The following ST3GAL1 variants were observed in gnomAD, a reference collection of about 807,000 sequenced individuals.
ST3GAL1 encodes the protein CMP-N-acetylneuraminate-beta-galactosamide-alpha-2,3-sialyltransferase 1.
A neutral mutation model predicts 34.1 loss-of-function variants in ST3GAL1; 16 were observed. That is an observed-to-expected ratio of 0.47 (90% CI 0.32 to 0.71). ST3GAL1 has a LOEUF of 0.71. Ranked by LOEUF, ST3GAL1 falls within the 30% of genes least tolerant of loss-of-function variation. The pLI, the probability that ST3GAL1 is intolerant of heterozygous loss-of-function variation, is 0.04. For synonymous variants in ST3GAL1, 191 were observed against 184.7 expected (o/e 1.03, Z -0.28); for missense variants, 353 against 447.4 (o/e 0.79, Z 1.90).
chr8:133,551,532 GAAAGAGAAGGAAAGAAAGAAA>G (rs1818842462), intron 1 of ST3GAL1, among the ~76,000 whole-genome samples: 1 of 132,578 alleles, frequency 7.5e-6, no homozygotes. Flanking sequence ...GAAAGAGAAA[GAAAGAGAAGGAAAGAAAGAAA>G]GAAAGAAAGA....
Position 133,521,075 on chromosome 8 carries a change from C to G in ST3GAL1, c.-428-21886G>C, listed in dbSNP as rs571386739. 2.2e-5 allele frequency among the ~76,000 whole-genome samples: 3 copies of G among 137,478 alleles called. No individual in the cohort carries two copies. The East Asian group carries it at 6.5e-4, about 30-fold the overall frequency. The allele number at this position is 137,478 out of a possible 152,430, so 90.2% of individuals were successfully genotyped here. On this transcript the variant is annotated intron_variant, in intron 2 of 9. Transcript: ENST00000522652. ...TCAAGCAATTTTCCTGCCTCAGCCT[C>G]CCAAGTAGCTGGGATTACAGGTGTG...
At chr8:133,495,450 CAATTTCGCACTT>C (rs1383863907) in intron 3 of ST3GAL1, among the ~76,000 whole-genome samples, 2 of 152,198 alleles carry the variant, frequency 1.3e-5, no homozygotes, top group African/African-American at 2.4e-5. Context: ...GCAATTTACC[CAATTTCGCACTT>C]AATTTCGCAC....
chr8:133,534,652 C>A (rs1483222145), intron 2 of ST3GAL1, among the ~76,000 whole-genome samples: 1 of 152,202 alleles, frequency 6.6e-6, no homozygotes, highest in Non-Finnish European at 1.5e-5. Flanking sequence ...CGCCCATTTC[C>A]AGTTCTCCAA....
chr8:133,513,621 C>T (rs1231906363), intron 2 of ST3GAL1, among the ~76,000 whole-genome samples: 2 of 152,066 alleles, frequency 1.3e-5, no homozygotes, highest in Non-Finnish European at 2.9e-5. Flanking sequence ...TTTGGCTGGG[C>T]GTAATGGCTC....
rs79542617 is a variant in ST3GAL1 at position 133,535,415 on chromosome 8, A to G, written c.-429+10359T>C. 2.5e-3 allele frequency among the ~76,000 whole-genome samples: 382 copies of G among 151,910 alleles called. 1 individual carries two copies. The highest frequency in any genetic ancestry group is 8.9e-3 in the African/African-American group (366 of 41,254). On this transcript the variant is annotated intron_variant, in intron 2 of 9. Transcript: ENST00000522652. ...GGTGCTGCATTATTTTTTTGTTGTTATTGTCTTTACTAATCGTGGCAACCT... is the reference window on the plus strand; with the variant it reads ...GGTGCTGCATTATTTTTTTGTTGTTGTTGTCTTTACTAATCGTGGCAACCT...
chr8:133,529,062 G>A (rs1370834576), intron 2 of ST3GAL1, among the ~76,000 whole-genome samples: 2 of 152,256 alleles, frequency 1.3e-5, no homozygotes, highest in Non-Finnish European at 2.9e-5. Flanking sequence ...GTGGGACAAA[G>A]CGAACCAGTG....
chr8:133,497,855 T>C (rs746696153), intron 3 of ST3GAL1, among the ~76,000 whole-genome samples: 3 of 151,990 alleles, frequency 2.0e-5, no homozygotes, highest in African/African-American at 7.3e-5. Context: ...ATACTAGAGG[T>C]GAGCAGCCAC....
intron 2 of ST3GAL1, among the ~76,000 whole-genome samples, chr8:133,528,442 C>G (rs981036168): frequency 2.0e-5 from 3 of 152,232 alleles, no homozygotes; most frequent in African/African-American, 4.8e-5. Context: ...GCAGGACAGT[C>G]TGTGCCCTGG....
At chr8:133,525,703 G>T (rs1002841621) in intron 2 of ST3GAL1, among the ~76,000 whole-genome samples, 2 of 152,130 alleles carry the variant, frequency 1.3e-5, no homozygotes, top group Admixed American at 6.5e-5. Context: ...GTCTGGAGGG[G>T]GCCAAGATGA....
chr8:133,477,131 C>G (rs368371981), intron 3 of ST3GAL1, among the ~76,000 whole-genome samples: 3 of 152,168 alleles, frequency 2.0e-5, no homozygotes, highest in South Asian at 4.1e-4. Context: ...AGCTGTGGAG[C>G]CTTGGGAAAG....
intron 2 of ST3GAL1, among the ~76,000 whole-genome samples, chr8:133,504,216 C>T (rs2130999997): frequency 6.6e-6 from 1 of 152,314 alleles, no homozygotes; most frequent in East Asian, 1.9e-4. Flanking sequence ...TCCCCAAGGT[C>T]ATGGAGCCAG....
chr8:133,488,870 G>T (rs1047110575), intron 3 of ST3GAL1, among the ~76,000 whole-genome samples: 4 of 152,030 alleles, frequency 2.6e-5, no homozygotes, highest in South Asian at 2.1e-4. Flanking sequence ...TGGCAGACAG[G>T]GGGGGCCAGG....
intron 3 of ST3GAL1, among the ~76,000 whole-genome samples, chr8:133,479,819 TG>T (rs1816315768): frequency 6.6e-6 from 1 of 152,152 alleles, no homozygotes; most frequent in African/African-American, 2.4e-5. Context: ...GCTTCTGAGC[TG>T]GTATCATTTA....
chr8:133,491,714 C>T (rs1176122438), intron 3 of ST3GAL1, among the ~76,000 whole-genome samples: 1 of 152,192 alleles, frequency 6.6e-6, no homozygotes, highest in African/African-American at 2.4e-5. Flanking sequence ...AATGGCGAGG[C>T]ATGCAGCACC....
chr8:133,484,128 C>T (rs1389292111), intron 3 of ST3GAL1, among the ~76,000 whole-genome samples: 2 of 152,156 alleles, frequency 1.3e-5, no homozygotes, highest in East Asian at 3.9e-4. Flanking sequence ...TCAGCAGCCC[C>T]ATTCACTGGG....
At chr8:133,557,253 T>C (rs1351784751) in intron 1 of ST3GAL1, among the ~76,000 whole-genome samples, 1 of 152,026 alleles carries the variant, frequency 6.6e-6, no homozygotes, top group Non-Finnish European at 1.5e-5. Context: ...CTAAAGGAAG[T>C]GAGGAGACTG....
In ST3GAL1 at chr8:133,571,743, G is replaced by A. The variant is rs1819578081; in HGVS notation, c.-632C>T. 1 of 152,574 alleles carries A rather than the reference G, an allele frequency of 6.6e-6. No homozygotes were observed. Among genetic ancestry groups the A allele is most frequent in the African/African-American group, 2.4e-5 (1 of 41,454 alleles). The allele number at this position is 152,574 out of a possible 1,614,324, so 9.5% of individuals were successfully genotyped here. On this transcript the variant is annotated 5_prime_UTR_variant, in exon 1 of 10. Transcript: ENST00000522652. This position sits in a 1 kb window ranked among gnomAD's most constrained non-coding sequence, Gnocchi z 6.7. ...CCGGGATTTGGGCATGAAGGGGTTC[G>A]GAGGAGAATACAGGGGTGTGGGTGT...
At chr8:133,479,905 G>A (rs979742212) in intron 3 of ST3GAL1, among the ~76,000 whole-genome samples, 1 of 152,216 alleles carries the variant, frequency 6.6e-6, no homozygotes, top group Non-Finnish European at 1.5e-5. Flanking sequence ...TGGCTGCAGG[G>A]AAGAAACCAG....
At chr8:133,515,440 G>T (rs1817615195) in intron 2 of ST3GAL1, 1 of 152,210 alleles carries the variant, frequency 6.6e-6, no homozygotes, top group South Asian at 2.1e-4. Context: ...GCTTGATGTT[G>T]TCCTCCGGGT....
Sources: gnomAD v4.1 joint callset for allele counts (sites outside exome capture counted in the v4.1 genomes callset) on GRCh38, gnomAD v4.1.1 for gene constraint, Gnocchi (gnomAD v3.1) non-coding constraint, MANE v1.5 for transcripts, NCBI Gene and HGNC (gene_info 2026-07-23, HGNC 2026-07-21) for gene names.